Variants in DZIP1L observed in about 807,000 individuals in gnomAD.
DZIP1L encodes DAZ interacting zinc finger protein 1 like, also known as cilium assembly protein DZIP1L.
DZIP1L carries 90 observed loss-of-function variants against 88.7 expected under a neutral mutation model. The ratio of observed to expected loss-of-function variants is 1.02; its 90% CI spans 0.86 to 1.21. DZIP1L has a LOEUF of 1.21. Among genes scored for constraint, DZIP1L ranks in the 50% most tolerant of loss-of-function variants. The pLI, the probability that DZIP1L is intolerant of heterozygous loss-of-function variation, is 0.00. For synonymous variants in DZIP1L, 363 were observed against 372.1 expected (o/e 0.98, Z 0.28); for missense variants, 932 against 955.8 (o/e 0.98, Z 0.33).
intron 3 of DZIP1L, among the ~76,000 whole-genome samples, chr3:138,097,404 C>T (rs1944528675): frequency 6.6e-6 from 1 of 152,180 alleles, no homozygotes; most frequent in African/African-American, 2.4e-5. Flanking sequence ...ACTGCAGATT[C>T]GCAGAAGGCT....
chr3:138,099,519 A>G lies in DZIP1L; in HGVS notation c.502-1672T>C, dbSNP rs142577973. Among the ~76,000 whole-genome samples, 220 of 152,330 alleles carry G rather than the reference A, an allele frequency of 1.4e-3. 4 individuals carry two copies. In the East Asian group the frequency reaches 0.016, roughly 11 times the overall value. On this transcript the variant is annotated intron_variant, in intron 2 of 15. Transcript: ENST00000327532. ...AGATCCTTGGAATCTCCAGAGTAAT[A>G]AGAGTGTCTACTATTGTTTGAATGT... is the stretch of plus-strand genomic sequence containing the variant.
At position 138,087,098 on chromosome 3, in the gene DZIP1L, AAGT is replaced by A. The variant is rs200078925; in HGVS notation, c.1000-78_1000-76del. ...ATGTTATAAAGCTACAGGAAGTTAAAAGTACTGGCTCATGGGTAGGCAGACAGA... is the reference window on the plus strand; with the variant it reads ...ATGTTATAAAGCTACAGGAAGTTAAAACTGGCTCATGGGTAGGCAGACAGA... On this transcript the variant is annotated intron_variant, in intron 6 of 15. Coordinates refer to ENST00000327532, the MANE Select transcript of DZIP1L (RefSeq NM_173543.3). The A allele has an allele frequency of 3.8e-3, 5,428 of 1,419,498 alleles. 160 individuals carry two copies. In the African/African-American group the frequency reaches 0.068, roughly 18 times the overall value. 87.9% of individuals were successfully genotyped at this position (1,419,498 alleles called of 1,614,324 possible). A position where few individuals can be genotyped will look rare whatever the true frequency, so the allele number is the denominator to read the frequency against.
chr3:138,086,116 G>T (rs1943921816), intron 7 of DZIP1L, among the ~76,000 whole-genome samples: 1 of 151,858 alleles, frequency 6.6e-6, no homozygotes. Flanking sequence ...GTGGGGTGGG[G>T]GGAGTGGGGA....
chr3:138,087,943 G>A (rs188806635), intron 6 of DZIP1L, among the ~76,000 whole-genome samples: 2 of 152,324 alleles, frequency 1.3e-5, no homozygotes, highest in Admixed American at 1.3e-4. Context: ...CAGGAAATCG[G>A]CCATGCTGGG....
At chr3:138,113,033 G>C (rs150740842) in intron 1 of DZIP1L, among the ~76,000 whole-genome samples, 1 of 152,214 alleles carries the variant, frequency 6.6e-6, no homozygotes, top group African/African-American at 2.4e-5. Flanking sequence ...ACAGGGTTTT[G>C]GGAAACTTCC....
At chr3:138,101,182 C>T (rs1427153281) in intron 2 of DZIP1L, among the ~76,000 whole-genome samples, 1 of 151,816 alleles carries the variant, frequency 6.6e-6, no homozygotes. Context: ...CACACTCTTA[C>T]ACACATATAT....
chr3:138,077,550 T>A lies in DZIP1L; in HGVS notation c.1371A>T (p.Pro457=). 6.2e-7 allele frequency: 1 copy of A among 1,614,246 alleles called. No individual in the cohort carries two copies. The highest frequency in any genetic ancestry group is 8.5e-7 in the Non-Finnish European group (1 of 1,180,046). The part of the protein sequence containing the change: ...RNPTLLKHFR[P]ILEDTLEEKL... The stretch of plus-strand genomic sequence containing the variant: ...TCTCTTCCAGGGTGTCCTCCAGGAT[T>A]GGTCTGAAGTGCTTCAGCAAAGTGG... Residue 457 remains proline (P), a synonymous_variant, in exon 11 of 16, where the codon CCA becomes CCT. Transcript: ENST00000327532.
At position 138,094,906 on chromosome 3, in the gene DZIP1L, C is replaced by G. The variant is rs1944397761; in HGVS notation, c.664G>C (p.Glu222Gln). The G allele has an allele frequency of 1.2e-6, 2 of 1,614,240 alleles. No individual in the cohort carries two copies. The highest frequency in any genetic ancestry group is 2.2e-5 in the South Asian group (2 of 91,088). Residue 222 changes from glutamate (E) to glutamine (Q), a missense_variant, in exon 4 of 16, where the codon GAG (glutamate) becomes CAG (glutamine). Glu to Gln is a conservative substitution (Grantham distance 29). Transcript: ENST00000327532. ...TCCGCCTCCCTCTGGGCTTCCAGCT[C>G]CCCTTGGGTCCACTTTAGCTTGGCC... ...LRAKLKWTQG[E>Q]LEAQREAERQ... is the part of the protein sequence containing the mutation.
intron 12 of DZIP1L, among the ~76,000 whole-genome samples, chr3:138,070,485 A>G (rs1277139613): frequency 1.3e-5 from 2 of 152,170 alleles, no homozygotes; most frequent in African/African-American, 4.8e-5. Flanking sequence ...TTTTTTTACC[A>G]TATTTTCATG....
chr3:138,100,043 T>A (rs1355531089), intron 2 of DZIP1L, among the ~76,000 whole-genome samples: 1 of 151,788 alleles, frequency 6.6e-6, no homozygotes. Flanking sequence ...TTTTTTTTTT[T>A]GGCTCATCAG....
chr3:138,063,530 C>G lies in DZIP1L; in HGVS notation c.2143-553G>C, dbSNP rs1055862209. Among the ~76,000 whole-genome samples, 1 of 152,218 alleles carries G rather than the reference C, an allele frequency of 6.6e-6. No individual in the cohort carries two copies. Among genetic ancestry groups the G allele is most frequent in the Non-Finnish European group, 1.5e-5 (1 of 68,032 alleles). ...GTCAGCCAAGGGACCAGGCCACCCCCTGACCACAGCCACCTGCGTAGCAGC... is the reference window on the plus strand; with the variant it reads ...GTCAGCCAAGGGACCAGGCCACCCCGTGACCACAGCCACCTGCGTAGCAGC... On this transcript the variant is annotated intron_variant, in intron 15 of 15. Transcript: ENST00000327532. The surrounding 1 kb of genome is among the most constrained non-coding windows in gnomAD (Gnocchi z 4.1).
chr3:138,101,311 G>T (rs1453725531), intron 2 of DZIP1L, among the ~76,000 whole-genome samples: 2 of 151,818 alleles, frequency 1.3e-5, no homozygotes, highest in African/African-American at 4.8e-5. Context: ...TGGAGGCATG[G>T]GCAAGGGGGG....
intron 2 of DZIP1L, chr3:138,101,508 C>T: frequency 1.3e-6 from 1 of 787,572 alleles, no homozygotes; most frequent in African/African-American, 1.7e-5. Flanking sequence ...AGGACTCGGA[C>T]ACCAGCTTCC....
chr3:138,067,784 G>C, intron 13 of DZIP1L, 84 bp from the exon 14 acceptor site: 2 of 1,443,970 alleles, frequency 1.4e-6, no homozygotes, highest in South Asian at 3.0e-5. Context: ...CTTCAAGCTG[G>C]TTTGGTTTGC....
Position 138,089,101 on chromosome 3 carries a change from A to C in DZIP1L, c.871-594T>G, listed in dbSNP as rs1164299793. On this transcript the variant is annotated intron_variant, in intron 5 of 15. Coordinates refer to ENST00000327532, the MANE Select transcript of DZIP1L (RefSeq NM_173543.3). ...TATAATATATGACTGTCGTAGTAAC[A>C]AAAGCAACATATTTCTATCTGTATG... 3 of 985,474 alleles carry C rather than the reference A, an allele frequency of 3.0e-6. No homozygotes were observed. In the African/African-American group the frequency reaches 5.2e-5, roughly 17 times the overall value. The allele number at this position is 985,474 out of a possible 1,614,324, so 61.0% of individuals were successfully genotyped here.
In DZIP1L at chr3:138,088,517, C is replaced by A. The variant is rs746166744; in HGVS notation, c.871-10G>T. 9.3e-6 allele frequency: 15 copies of A among 1,611,642 alleles called. No homozygotes were observed. The African/African-American group carries it at 2.0e-4, about 22-fold the overall frequency. ...GCAGTGCCCGCAGTTTCTGAAAAGG[C>A]CAGGGCATAGTTTTATTCAGATGAA... On this transcript the variant is annotated splice_polypyrimidine_tract_variant and intron_variant, in intron 5 of 15. Transcript: ENST00000327532.
chr3:138,109,412 T>C (rs1267021751), intron 1 of DZIP1L, among the ~76,000 whole-genome samples: 1 of 152,234 alleles, frequency 6.6e-6, no homozygotes, highest in East Asian at 1.9e-4. Flanking sequence ...TATTCTATGC[T>C]GCCTCTTGGT....
chr3:138,088,545 T>C (rs1424826220), intron 5 of DZIP1L, 38 bp from the exon 6 acceptor site: 1 of 1,604,432 alleles, frequency 6.2e-7, no homozygotes, highest in Admixed American at 1.7e-5. Context: ...CAGATGAAGA[T>C]CTCATCATGA....
chr3:138,113,816 C>A (rs1348069922), intron 1 of DZIP1L, among the ~76,000 whole-genome samples: 1 of 152,230 alleles, frequency 6.6e-6, no homozygotes, highest in Non-Finnish European at 1.5e-5. Context: ...GCTCTCCTTA[C>A]ACCTGGCCTC....
Sources: gnomAD v4.1 joint callset for allele counts (sites outside exome capture counted in the v4.1 genomes callset) on GRCh38, gnomAD v4.1.1 for gene constraint, Gnocchi (gnomAD v3.1) non-coding constraint, MANE v1.5 for transcripts, NCBI Gene and HGNC (gene_info 2026-07-23, HGNC 2026-07-21) for gene names.